Variants in MACROD2 observed in about 807,000 individuals in gnomAD.
MACROD2 encodes mono-ADP ribosylhydrolase 2.
MACROD2 carries 36 observed loss-of-function variants against 70.4 expected under a neutral mutation model. That is an observed-to-expected ratio of 0.51 (90% confidence interval 0.39 to 0.68). The LOEUF (loss-of-function observed/expected upper bound fraction) is 0.68. Ranked by LOEUF, MACROD2 falls within the 30% of genes least tolerant of loss-of-function variation. MACROD2 has a pLI of 0.00. For synonymous variants in MACROD2, 172 were observed against 178.8 expected (o/e 0.96, Z 0.30); for missense variants, 496 against 538.4 (o/e 0.92, Z 0.78).
intron 8 of MACROD2, among the ~76,000 whole-genome samples, chr20:15,726,138 G>A (rs1397753552): frequency 3.3e-5 from 5 of 152,030 alleles, no homozygotes; most frequent in Non-Finnish European, 7.4e-5. Flanking sequence ...GTGACCATGT[G>A]TGTTAAATGT....
intron 8 of MACROD2, among the ~76,000 whole-genome samples, chr20:15,658,825 A>C (rs2049773242): frequency 6.6e-6 from 1 of 152,158 alleles, no homozygotes; most frequent in Admixed American, 6.6e-5. Flanking sequence ...GACCCCAGTG[A>C]TATGTTGGTG....
At chr20:14,096,872 G>T (rs995568992) in intron 3 of MACROD2, among the ~76,000 whole-genome samples, 2 of 152,062 alleles carry the variant, frequency 1.3e-5, no homozygotes, top group African/African-American at 4.8e-5. Context: ...CACAAACTTT[G>T]CCCATGGGAA....
chr20:15,998,204 G>T (rs978255773), intron 15 of MACROD2, among the ~76,000 whole-genome samples: 1 of 152,152 alleles, frequency 6.6e-6, no homozygotes, highest in African/African-American at 2.4e-5. Flanking sequence ...AATGAATTTG[G>T]AAATGTTCCC....
chr20:15,924,390 T>C (rs777033442), intron 10 of MACROD2, among the ~76,000 whole-genome samples: 4 of 152,226 alleles, frequency 2.6e-5, no homozygotes, highest in Admixed American at 6.5e-5. Flanking sequence ...TCTTCAATCG[T>C]TGACTTCCCA....
intron 3 of MACROD2, chr20:14,127,703 C>T (rs182350638): frequency 2.7e-5 from 10 of 371,516 alleles, no homozygotes; most frequent in South Asian, 8.7e-5. Context: ...GGTTTCTGAA[C>T]GTGATACAAT....
At chr20:14,651,962 A>G (rs543229883) in intron 4 of MACROD2, among the ~76,000 whole-genome samples, 1 of 152,192 alleles carries the variant, frequency 6.6e-6, no homozygotes, top group African/African-American at 2.4e-5. Context: ...ATTATTACAA[A>G]TCTTACTGGA....
chr20:14,774,592 T>G (rs890058368), intron 5 of MACROD2, among the ~76,000 whole-genome samples: 5 of 152,100 alleles, frequency 3.3e-5, no homozygotes, highest in Admixed American at 3.3e-4. Flanking sequence ...AAAGGAAGAC[T>G]GCTCAACTCT....
intron 2 of MACROD2, among the ~76,000 whole-genome samples, chr20:14,084,097 C>T (rs1188798276): frequency 2.8e-5 from 4 of 143,810 alleles, no homozygotes; most frequent in Admixed American, 2.1e-4. Context: ...AAAAACCTTC[C>T]GGGAGAGAAG....
intron 4 of MACROD2, among the ~76,000 whole-genome samples, chr20:14,502,389 G>A (rs58525632): frequency 1.4e-3 from 206 of 152,314 alleles, no homozygotes; most frequent in African/African-American, 4.8e-3. Flanking sequence ...CCAGGGTCCT[G>A]TCACAGGCAC....
intron 3 of MACROD2, among the ~76,000 whole-genome samples, chr20:14,178,788 G>A (rs1286271193): frequency 1.5e-5 from 2 of 133,712 alleles, no homozygotes; most frequent in East Asian, 4.6e-4. Flanking sequence ...TGACTTGGAT[G>A]TAGAGAAAGT....
intron 8 of MACROD2, among the ~76,000 whole-genome samples, chr20:15,848,765 T>C (rs1483052759): frequency 6.6e-6 from 1 of 152,106 alleles, no homozygotes; most frequent in Non-Finnish European, 1.5e-5. Flanking sequence ...CCTCAAGTGG[T>C]CTTTCCTTTT....
chr20:14,984,004 G>T (rs2074825969), intron 5 of MACROD2, among the ~76,000 whole-genome samples: 1 of 152,136 alleles, frequency 6.6e-6, no homozygotes, highest in Non-Finnish European at 1.5e-5. Context: ...GCCTAGACTT[G>T]GTTCAGGGGG....
chr20:14,037,667 G>C (rs2053332418), intron 2 of MACROD2, among the ~76,000 whole-genome samples: 1 of 152,092 alleles, frequency 6.6e-6, no homozygotes, highest in African/African-American at 2.4e-5. Context: ...TAGTAACCAT[G>C]GAGCTAAGGA....
intron 4 of MACROD2, among the ~76,000 whole-genome samples, chr20:14,532,111 C>A (rs1390237569): frequency 6.6e-6 from 1 of 152,120 alleles, no homozygotes; most frequent in Non-Finnish European, 1.5e-5. Flanking sequence ...AAAGGCCTAA[C>A]CTGTGCTTAT....
At position 14,600,327 on chromosome 20, in the gene MACROD2, C is replaced by CATATATATATATATATATATATAT. The variant is rs769273379; in HGVS notation, c.302-84499_302-84498insTATATATATATATATATATATATA. Among the ~76,000 whole-genome samples, 914 of 126,770 alleles carry CATATATATATATATATATATATAT rather than the reference C, an allele frequency of 7.2e-3. 6 individuals carry two copies. Among genetic ancestry groups the CATATATATATATATATATATATAT allele is most frequent in the South Asian group, 0.032 (99 of 3,080 alleles). The allele number at this position is 126,770 out of a possible 152,430, so 83.2% of individuals were successfully genotyped here. A position where few individuals can be genotyped will look rare whatever the true frequency, so the allele number is the denominator to read the frequency against. ...GTAAAAAGTATGTAATATGCAGCTA[C>CATATATATATATATATATATATAT]ATATATATATATATATACACACACA... On this transcript the variant is annotated intron_variant, in intron 4 of 17. Transcript: ENST00000684519.
intron 3 of MACROD2, among the ~76,000 whole-genome samples, chr20:14,302,218 C>T (rs181906139): frequency 5.1e-4 from 77 of 152,258 alleles, no homozygotes; most frequent in Middle Eastern, 6.8e-3. Flanking sequence ...CAGGAGCATT[C>T]AGATTATTGG....
At chr20:14,762,344 A>G (rs1246474087) in intron 5 of MACROD2, among the ~76,000 whole-genome samples, 1 of 152,122 alleles carries the variant, frequency 6.6e-6, no homozygotes, top group Non-Finnish European at 1.5e-5. Flanking sequence ...GTGTCTCTTC[A>G]CTGAGTGACA....
intron 8 of MACROD2, among the ~76,000 whole-genome samples, chr20:15,629,183 C>G (rs1056520832): frequency 6.6e-6 from 1 of 152,162 alleles, no homozygotes; most frequent in Non-Finnish European, 1.5e-5. Context: ...TTAGCTTTAA[C>G]TATTTTCTAT....
intron 15 of MACROD2, among the ~76,000 whole-genome samples, chr20:16,033,260 G>C (rs2067179222): frequency 6.6e-6 from 1 of 152,052 alleles, no homozygotes; most frequent in Admixed American, 6.6e-5. Context: ...TGTAGATGTA[G>C]AATGCAAGAA....
Sources: allele counts gnomAD v4.1 joint callset (sites outside exome capture counted in the v4.1 genomes callset), GRCh38; gene constraint gnomAD v4.1.1; transcripts MANE v1.5; gene names NCBI Gene and HGNC (gene_info 2026-07-23, HGNC 2026-07-21).